The following GOLIM4 variants were observed in gnomAD, a reference collection of about 807,000 sequenced individuals.
The protein encoded by GOLIM4 is 130 kDa golgi-localized phosphoprotein.
Under a neutral mutation model 107.4 loss-of-function variants are expected in GOLIM4, and 71 were observed. The ratio of observed to expected loss-of-function variants is 0.66; its 90% CI spans 0.55 to 0.81. GOLIM4 has a LOEUF of 0.81. GOLIM4 is among the 30% of genes least tolerant of loss of function. The probability of loss-of-function intolerance (pLI) is 0.00; values close to 1 mark genes in which losing one functional copy is unlikely to be tolerated. For missense variants in GOLIM4, 830 were observed against 826.1 expected, an observed-to-expected ratio of 1.00 and a Z score of -0.06; for synonymous variants, 327 against 294.8, an observed-to-expected ratio of 1.11 and a Z score of -1.12.
intron 1 of GOLIM4, among the ~76,000 whole-genome samples, chr3:168,061,830 A>C (rs1192418319): frequency 6.6e-6 from 1 of 152,174 alleles, no homozygotes; most frequent in East Asian, 1.9e-4. Context: ...GGAAGAGAGT[A>C]AGAGGGAGCA....
rs766622805 is a variant in GOLIM4, at chr3:168,010,246, C to T, written c.*23G>A. ...GCTTGAAAAGAATCCGTTGGCTGAG[C>T]GTTGTCTAGAAATTGGGTGCCGCTA... On this transcript the variant is annotated 3_prime_UTR_variant, in exon 16 of 16. Coordinates refer to ENST00000470487, the MANE Select transcript of GOLIM4 (RefSeq NM_014498.5). 5.0e-6 allele frequency: 8 copies of T among 1,603,324 alleles called. No homozygotes were observed. The highest frequency in any genetic ancestry group is 6.8e-6 in the Non-Finnish European group (8 of 1,174,940).
chr3:168,088,506 T>A (rs1460693623), intron 1 of GOLIM4, among the ~76,000 whole-genome samples: 1 of 152,202 alleles, frequency 6.6e-6, no homozygotes, highest in Admixed American at 6.5e-5. Flanking sequence ...ACGAAGAGGC[T>A]GAAGTTCAGA....
chr3:168,030,440 G>T (rs1316205796), intron 9 of GOLIM4, among the ~76,000 whole-genome samples: 3 of 141,932 alleles, frequency 2.1e-5, no homozygotes, highest in Admixed American at 7.5e-5. Flanking sequence ...CTTTTTCCAT[G>T]AACAGTTAAA....
At chr3:168,055,407 G>A (rs1251763266) in intron 1 of GOLIM4, among the ~76,000 whole-genome samples, 2 of 152,188 alleles carry the variant, frequency 1.3e-5, no homozygotes, top group African/African-American at 4.8e-5. Flanking sequence ...GAGACTGACG[G>A]CATTTTGCTT....
chr3:168,055,439 C>T (rs141152235), intron 1 of GOLIM4, among the ~76,000 whole-genome samples: 3 of 152,282 alleles, frequency 2.0e-5, no homozygotes, highest in African/African-American at 7.2e-5. Flanking sequence ...ATCTGTGGAA[C>T]TTTGAACTTG....
At chr3:168,019,607 AC>A (rs1185367161) in intron 14 of GOLIM4, among the ~76,000 whole-genome samples, 7 of 152,160 alleles carry the variant, frequency 4.6e-5, no homozygotes, top group Non-Finnish European at 1.5e-5. Flanking sequence ...CTGTAAAATG[AC>A]CCACATTCTG....
At chr3:168,012,801 C>T (rs370324329) in intron 14 of GOLIM4, among the ~76,000 whole-genome samples, 165 of 151,970 alleles carry the variant, frequency 1.1e-3, no homozygotes, top group South Asian at 0.01. Flanking sequence ...GCTTCATAAG[C>T]GAAGGAGAAA....
chr3:168,083,269 C>G (rs1011846502), intron 1 of GOLIM4, among the ~76,000 whole-genome samples: 1 of 151,840 alleles, frequency 6.6e-6, no homozygotes, highest in Non-Finnish European at 1.5e-5. Context: ...CTTACTAAGA[C>G]CAGTAAAAGT....
At chr3:168,082,855 C>T (rs1316417738) in intron 1 of GOLIM4, among the ~76,000 whole-genome samples, 1 of 152,140 alleles carries the variant, frequency 6.6e-6, no homozygotes, top group African/African-American at 2.4e-5. Context: ...TCAACAACAA[C>T]TTCTCACTGA....
chr3:168,054,280 G>T (rs926285222), intron 1 of GOLIM4, among the ~76,000 whole-genome samples: 1 of 152,136 alleles, frequency 6.6e-6, no homozygotes, highest in East Asian at 1.9e-4. Context: ...TCACCACATC[G>T]GGAGTGAAAC....
Position 168,044,740 on chromosome 3 carries a change from T to C in GOLIM4, c.366+88A>G, listed in dbSNP as rs577059518. On this transcript the variant is annotated intron_variant, in intron 4 of 15. Coordinates refer to ENST00000470487, the MANE Select transcript of GOLIM4 (RefSeq NM_014498.5). ...CAATACAAATCAACTTCTGTAAACT[T>C]TCTTTAATCACTTTAAAGGCCATTA... is the stretch of plus-strand genomic sequence containing the variant. 77 of 750,714 alleles carry C rather than the reference T, an allele frequency of 1.0e-4. 2 individuals carry two copies. The South Asian group carries it at 1.3e-3, about 13-fold the overall frequency. The allele number at this position is 750,714 out of a possible 1,614,324, so 46.5% of individuals were successfully genotyped here. A position where few individuals can be genotyped will look rare whatever the true frequency, so the allele number is the denominator to read the frequency against.
At chr3:168,013,194 G>T (rs1206218263) in intron 14 of GOLIM4, among the ~76,000 whole-genome samples, 1 of 151,318 alleles carries the variant, frequency 6.6e-6, no homozygotes, top group African/African-American at 2.4e-5. Context: ...GATGGAGGAA[G>T]ATCTACCAAG....
At position 168,029,265 on chromosome 3, in the gene GOLIM4, C is replaced by A. The variant is rs373725217; in HGVS notation, c.1471G>T (p.Val491Phe). 7 of 1,610,780 alleles carry A rather than the reference C, an allele frequency of 4.3e-6. No homozygotes were observed. The Admixed American group carries it at 1.2e-4, about 27-fold the overall frequency. Reference protein sequence around the residue: ...AHYDAMDNDIVQGAEDQGIQG... With the variant: ...AHYDAMDNDIFQGAEDQGIQG... ...ATTCCCTGGTCCTCTGCTCCCTGAA[C>A]GATATCATTATCCATAGCATCATAA... Residue 491 changes from valine to phenylalanine, a missense_variant, in exon 11 of 16, where the codon GTT becomes TTT. By Grantham distance (50) the Val-to-Phe change is conservative (BLOSUM62 -1). Coordinates refer to ENST00000470487, the MANE Select transcript of GOLIM4 (RefSeq NM_014498.5).
intron 1 of GOLIM4, among the ~76,000 whole-genome samples, chr3:168,057,831 A>G (rs1214474736): frequency 6.6e-6 from 1 of 152,156 alleles, no homozygotes; most frequent in East Asian, 1.9e-4. Context: ...TCAGTTCCTA[A>G]TATCTAGTGA....
Position 168,010,188 on chromosome 3 carries a change from C to A in GOLIM4, c.*81G>T. ...TTCTTAATTTTTGTAATTAAATATC[C>A]TAGAGTTCAGTAGGCAGATTTATGT... On this transcript the variant is annotated 3_prime_UTR_variant, in exon 16 of 16. Transcript: ENST00000470487. The A allele has an allele frequency of 3.2e-6, 4 of 1,261,722 alleles. No individual in the cohort carries two copies. The highest frequency in any genetic ancestry group is 4.4e-6 in the Non-Finnish European group (4 of 915,856). 78.2% of individuals were successfully genotyped at this position (1,261,722 alleles called of 1,614,324 possible).
intron 14 of GOLIM4, among the ~76,000 whole-genome samples, chr3:168,020,140 A>G (rs756701250): frequency 6.6e-6 from 1 of 152,158 alleles, no homozygotes. Context: ...CAACCTTCCA[A>G]TTTTTAACTA....
intron 14 of GOLIM4, among the ~76,000 whole-genome samples, chr3:168,020,036 T>C (rs941128636): frequency 4.6e-5 from 7 of 152,196 alleles, no homozygotes; most frequent in Non-Finnish European, 1.0e-4. Flanking sequence ...ATCAACTATA[T>C]AGTTACTGTG....
At chr3:168,046,822 G>C in intron 3 of GOLIM4, 128 bp downstream of exon 3, 2 of 453,634 alleles carry the variant, frequency 4.4e-6, no homozygotes, top group Non-Finnish European at 7.8e-6. Context: ...AAAAAAAAGG[G>C]GGTGTCAGTC....
chr3:168,045,891 T>C (rs974909423), intron 3 of GOLIM4, among the ~76,000 whole-genome samples: 1 of 152,204 alleles, frequency 6.6e-6, no homozygotes. Context: ...CTTCTCAGTT[T>C]TTTTATTTTG....
Sources: allele counts gnomAD v4.1 joint callset (sites outside exome capture counted in the v4.1 genomes callset), GRCh38; gene constraint gnomAD v4.1.1; transcripts MANE v1.5; gene names NCBI Gene and HGNC (gene_info 2026-07-23, HGNC 2026-07-21).